COL4A4: variants seen among roughly 807,000 people sequenced by gnomAD.
COL4A4 encodes collagen type IV alpha 4 chain, also known as collagen alpha-4(IV) chain.
A neutral mutation model predicts 192.9 loss-of-function variants in COL4A4; 105 were observed. The ratio of observed to expected loss-of-function variants is 0.54; its 90% CI spans 0.46 to 0.64. COL4A4 has a LOEUF of 0.64. COL4A4 is among the 30% of genes least tolerant of loss of function. The pLI is 0.00. For missense variants in COL4A4, 1,967 were observed against 2,169.3 expected, an observed-to-expected ratio of 0.91 and a Z score of 1.85; for synonymous variants, 762 against 769.9, an observed-to-expected ratio of 0.99 and a Z score of 0.17.
At chr2:227,030,640 A>G (rs201174479) in intron 40 of COL4A4, 42 bp from the exon 41 acceptor site, 59 of 1,522,472 alleles carry the variant, frequency 3.9e-5, no homozygotes, top group Admixed American at 6.6e-5. Flanking sequence ...TTAGTCAAAG[A>G]CGAATGTGTA....
intron 4 of COL4A4, among the ~76,000 whole-genome samples, chr2:227,126,210 T>C (rs958571127): frequency 6.6e-5 from 10 of 152,192 alleles, no homozygotes; most frequent in African/African-American, 1.9e-4. Context: ...AGGATGTGCA[T>C]AGGTTATATG....
chr2:226,993,792 ACTT>A, the COL4A4 span, among the ~76,000 whole-genome samples: 254 of 152,324 alleles, frequency 1.7e-3, no homozygotes, highest in African/African-American at 5.9e-3. Flanking sequence ...GACAACGGAA[ACTT>A]CAGCTGTGGA....
At chr2:227,046,415 C>G (rs1288062483) in intron 35 of COL4A4, among the ~76,000 whole-genome samples, 1 of 151,910 alleles carries the variant, frequency 6.6e-6, no homozygotes, top group Non-Finnish European at 1.5e-5. Context: ...AACCTGACCA[C>G]TATTGGCTGA....
intron 22 of COL4A4, 83 bp from the exon 23 acceptor site, chr2:227,082,270 T>G (rs905528776): frequency 1.7e-6 from 2 of 1,190,148 alleles, no homozygotes; most frequent in Non-Finnish European, 2.5e-6. Context: ...CTCTCTCTTC[T>G]TCCCTCCTAA....
intron 12 of COL4A4, among the ~76,000 whole-genome samples, chr2:227,104,442 C>T (rs1388249995): frequency 5.0e-5 from 7 of 139,524 alleles, no homozygotes; most frequent in East Asian, 4.3e-4. Context: ...ATTAGCCGGG[C>T]GTGGTGGCAG....
the COL4A4 span, chr2:226,997,578 T>C: frequency 1.3e-5 from 2 of 152,348 alleles, no homozygotes; most frequent in South Asian, 4.1e-4. Context: ...CCAAAGTATT[T>C]TTTCCATTGT....
chr2:227,101,990 T>C lies in COL4A4; in HGVS notation c.931-81A>G, dbSNP rs190582687. The C allele has an allele frequency of 2.7e-5, 27 of 1,008,606 alleles. No homozygotes were observed. In the African/African-American group the frequency reaches 3.9e-4, roughly 15 times the overall value. The allele number at this position is 1,008,606 out of a possible 1,614,324, so 62.5% of individuals were successfully genotyped here. The stretch of plus-strand genomic sequence containing the variant: ...GCTCAGTGCATCATTTTTCACCTTA[T>C]CAAATTGTTCCATGGATATTTGGTC... On this transcript the variant is annotated intron_variant, in intron 15 of 47. Transcript: ENST00000396625.
Position 227,054,676 on chromosome 2 carries a change from C to G in COL4A4, c.2778G>C (p.Glu926Asp). Residue 926 changes from glutamate to aspartate, a missense_variant, in exon 31 of 48, where the codon GAG (glutamate) becomes GAC (aspartate). Physicochemically the swap from Glu to Asp is conservative, Grantham distance 45. Coordinates refer to ENST00000396625, the MANE Select transcript of COL4A4 (RefSeq NM_000092.5). ...GTTCTCCCTTTGCGCCAGGACATCCCTCTGCACCAGGCTTTCCTCTTTCTC... is the reference window on the plus strand; with the variant it reads ...GTTCTCCCTTTGCGCCAGGACATCCGTCTGCACCAGGCTTTCCTCTTTCTC... ...FPGERGKPGA[E>D]GCPGAKGEPG... The G allele has an allele frequency of 6.2e-7, 1 of 1,614,252 alleles. No homozygotes were observed. Among genetic ancestry groups the G allele is most frequent in the Non-Finnish European group, 8.5e-7 (1 of 1,180,034 alleles).
chr2:227,022,482 T>G (rs769368789), intron 43 of COL4A4: 17 of 591,660 alleles, frequency 2.9e-5, no homozygotes, highest in Non-Finnish European at 5.7e-5. Context: ...AGCAACGTGA[T>G]GACCCTCACA....
intron 3 of COL4A4, among the ~76,000 whole-genome samples, chr2:227,143,468 T>C (rs547372934): frequency 4.6e-5 from 7 of 152,256 alleles, no homozygotes; most frequent in Non-Finnish European, 1.0e-4. Flanking sequence ...CCAATGATAA[T>C]ATGGCCACTC....
At position 227,104,046 on chromosome 2, in the gene COL4A4, C is replaced by A; in HGVS notation, c.742G>T (p.Val248Phe). 6.2e-7 allele frequency: 1 copy of A among 1,612,426 alleles called. No individual in the cohort carries two copies. Among genetic ancestry groups the A allele is most frequent in the Non-Finnish European group, 8.5e-7 (1 of 1,179,570 alleles). Residue 248 changes from valine (V) to phenylalanine (F), a missense_variant, in exon 13 of 48, where the codon GTT becomes TTT. Transcript: ENST00000396625. ...GGTCCAGGAGAACCTTGCTGACCAACCTCACCCTTAAAAAAAAAAGCAAGA... is the reference window on the plus strand; with the variant it reads ...GGTCCAGGAGAACCTTGCTGACCAAACTCACCCTTAAAAAAAAAAGCAAGA... The part of the protein sequence containing the change: ...VKGQMGDPGE[V>F]GQQGSPGPTL...
chr2:227,114,344 A>G (rs534945655), intron 8 of COL4A4, among the ~76,000 whole-genome samples: 1 of 152,350 alleles, frequency 6.6e-6, no homozygotes, highest in Admixed American at 6.5e-5. Context: ...CCAAATGAAT[A>G]TGTGGCCCAC....
chr2:227,087,066 T>C (rs965208664), intron 22 of COL4A4, among the ~76,000 whole-genome samples: 2 of 152,180 alleles, frequency 1.3e-5, no homozygotes, highest in African/African-American at 4.8e-5. Context: ...CATCCCAGGA[T>C]TGAGCCTTGT....
chr2:227,147,797 T>C (rs944285119), intron 1 of COL4A4, among the ~76,000 whole-genome samples: 2 of 149,976 alleles, frequency 1.3e-5, no homozygotes, highest in African/African-American at 4.9e-5. Context: ...TTTTGATAAA[T>C]GGAAAAATTA....
At chr2:227,071,084 A>T (rs2058695090) in intron 25 of COL4A4, among the ~76,000 whole-genome samples, 1 of 152,120 alleles carries the variant, frequency 6.6e-6, no homozygotes, top group South Asian at 2.1e-4. Context: ...TTGAGTGTAA[A>T]TGCTCCACTT....
chr2:226,972,004 G>C, the COL4A4 span, among the ~76,000 whole-genome samples: 1 of 151,688 alleles, frequency 6.6e-6, no homozygotes, highest in Non-Finnish European at 1.5e-5. Flanking sequence ...GTGGTTTGCT[G>C]CACCTGTCAG....
In COL4A4 at chr2:227,064,931, C is replaced by T. The variant is rs6436651; in HGVS notation, c.1988-2333G>A. On this transcript the variant is annotated intron_variant, in intron 25 of 47. Transcript: ENST00000396625. ...GCTCCAGTCTACAGCTCCCAGCGCGCGCGACGCAGAAGACGGGTGATTTCT... is the reference window on the plus strand; with the variant it reads ...GCTCCAGTCTACAGCTCCCAGCGCGTGCGACGCAGAAGACGGGTGATTTCT... 1.8e-3 allele frequency among the ~76,000 whole-genome samples: 274 copies of T among 152,174 alleles called. 1 individual carries two copies. Among genetic ancestry groups the T allele is most frequent in the African/African-American group, 6.0e-3 (249 of 41,538 alleles).
chr2:227,022,435 G>A, intron 43 of COL4A4: 1 of 687,738 alleles, frequency 1.5e-6, no homozygotes, highest in Non-Finnish European at 2.8e-6. Flanking sequence ...AGTATCAGAG[G>A]ATGCAGAAGT....
intron 5 of COL4A4, chr2:227,120,806 G>T (rs1214231899): frequency 3.2e-5 from 19 of 585,594 alleles, no homozygotes; most frequent in Non-Finnish European, 4.2e-5. Context: ...GGACATGGTG[G>T]TATGTGCCTG....
Sources: gnomAD v4.1 joint callset for allele counts (sites outside exome capture counted in the v4.1 genomes callset) on GRCh38, gnomAD v4.1.1 for gene constraint, MANE v1.5 for transcripts, NCBI Gene and HGNC (gene_info 2026-07-23, HGNC 2026-07-21) for gene names.